Variants in ZNF112 observed in about 807,000 individuals in gnomAD.
The protein encoded by ZNF112 is zinc finger protein 112 (Y14).
Under a neutral mutation model 77.7 loss-of-function variants are expected in ZNF112, and 37 were observed. That is an observed-to-expected ratio of 0.48 (90% CI 0.37 to 0.63). The LOEUF (loss-of-function observed/expected upper bound fraction) is 0.63, where lower values mean the gene tolerates loss of function less well. ZNF112 is among the 20% of genes least tolerant of loss of function. The pLI is 0.00. For synonymous variants in ZNF112, 333 were observed against 363.6 expected, an observed-to-expected ratio of 0.92 and a Z score of 0.96; for missense variants, 950 against 1,077.4, an observed-to-expected ratio of 0.88 and a Z score of 1.66.
intron 1 of ZNF112, among the ~76,000 whole-genome samples, chr19:44,353,481 C>T (rs570164965): frequency 6.6e-6 from 1 of 151,968 alleles, no homozygotes; most frequent in Non-Finnish European, 1.5e-5. Flanking sequence ...GGAATATTTG[C>T]AAATCACACA....
At chr19:44,344,419 G>A (rs1413842296) in intron 1 of ZNF112, among the ~76,000 whole-genome samples, 1 of 152,150 alleles carries the variant, frequency 6.6e-6, no homozygotes, top group Non-Finnish European at 1.5e-5. Flanking sequence ...TGTGGGTAAG[G>A]CAGAGCCTTC....
Position 44,328,945 on chromosome 19 carries a change from A to G in ZNF112, c.1212T>C (p.Thr404=). The change falls in exon 4 of 4, where the codon ACT becomes ACC. Residue 404 remains threonine, a synonymous_variant. Transcript: ENST00000354340. Reference sequence around the variant, plus strand: ...CTATATCTGTGTATAGTTTCTCTTCAGTGTGGATTTTTTGATGGACTTGAA... The same window carrying G: ...CTATATCTGTGTATAGTTTCTCTTCGGTGTGGATTTTTTGATGGACTTGAA... The part of the protein sequence containing the change: ...SCLQVHQKIH[T]EEKLYTDIEY... 1.9e-6 allele frequency: 3 copies of G among 1,613,990 alleles called. No homozygotes were observed. The highest frequency in any genetic ancestry group is 2.5e-6 in the Non-Finnish European group (3 of 1,179,982).
chr19:44,328,258 A>G lies in ZNF112; in HGVS notation c.1899T>C (p.Cys633=). The G allele has an allele frequency of 6.2e-7, 1 of 1,613,800 alleles. No individual in the cohort carries two copies. The highest frequency in any genetic ancestry group is 1.1e-5 in the South Asian group (1 of 91,058). The change falls in exon 4 of 4, where the codon TGT becomes TGC. Residue 633 remains cysteine (C), a synonymous_variant. Coordinates refer to ENST00000354340, the MANE Select transcript of ZNF112 (RefSeq NM_013380.4). ...AACTGAACCCCTTCCCACATTCCTC[A>G]CATTTGAATGGTTTTTCTCCAGTGT... ...RVHTGEKPFK[C]EECGKGFSWS...
At chr19:44,345,060 C>T (rs1342467168) in intron 1 of ZNF112, among the ~76,000 whole-genome samples, 1 of 152,160 alleles carries the variant, frequency 6.6e-6, no homozygotes, top group Non-Finnish European at 1.5e-5. Context: ...GTTACTAGGA[C>T]AGTGGCTCTT....
At position 44,337,608 on chromosome 19, in the gene ZNF112, C is replaced by T. The variant is rs542832935; in HGVS notation, c.125-890G>A. 5.1e-4 allele frequency among the ~76,000 whole-genome samples: 76 copies of T among 149,208 alleles called. No homozygotes were observed. The South Asian group carries it at 0.015, about 29-fold the overall frequency. On this transcript the variant is annotated intron_variant, in intron 2 of 3. Transcript: ENST00000354340. The stretch of plus-strand genomic sequence containing the variant: ...GTTAGATATTGTCAACTTCCCCTCC[C>T]TAAGGGTTGTATCATTTTGCATTCT...
intron 1 of ZNF112, among the ~76,000 whole-genome samples, chr19:44,343,813 C>G (rs980324883): frequency 2.6e-5 from 4 of 152,190 alleles, no homozygotes; most frequent in Non-Finnish European, 4.4e-5. Flanking sequence ...CCAGGGATCT[C>G]TACTTCCTTG....
intron 3 of ZNF112, 39 bp downstream of exon 3, chr19:44,336,584 G>A (rs1970370504): frequency 6.5e-7 from 1 of 1,533,374 alleles, no homozygotes; most frequent in South Asian, 1.1e-5. Context: ...TTCTAGAAGG[G>A]GCTCCCTGGC....
At chr19:44,330,249 A>G (rs928800276) in intron 3 of ZNF112, among the ~76,000 whole-genome samples, 2 of 152,210 alleles carry the variant, frequency 1.3e-5, no homozygotes, top group Admixed American at 1.3e-4. Flanking sequence ...TGGTAAGTAT[A>G]ATGCAAATAC....
At chr19:44,366,327 T>C (rs996188108) in intron 1 of ZNF112, among the ~76,000 whole-genome samples, 2 of 152,160 alleles carry the variant, frequency 1.3e-5, no homozygotes, top group Non-Finnish European at 2.9e-5. Flanking sequence ...GAAAAGTATA[T>C]TGCTCCTTTT....
intron 3 of ZNF112, among the ~76,000 whole-genome samples, chr19:44,335,981 C>A (rs73555165): frequency 6.6e-6 from 1 of 151,950 alleles, no homozygotes; most frequent in East Asian, 1.9e-4. Context: ...TGTTTGGGTG[C>A]GAGAGTATGG....
At chr19:44,366,250 G>T (rs144870227) in intron 1 of ZNF112, among the ~76,000 whole-genome samples, 121 of 152,174 alleles carry the variant, frequency 8.0e-4, no homozygotes, top group African/African-American at 2.9e-3. Flanking sequence ...CATGCGGAGA[G>T]GCTTGAAAGA....
chr19:44,342,593 G>A (rs1294868596), intron 1 of ZNF112, among the ~76,000 whole-genome samples: 1 of 152,098 alleles, frequency 6.6e-6, no homozygotes, highest in Non-Finnish European at 1.5e-5. Flanking sequence ...GAGGCACGTA[G>A]ATCACGAGGT....
At chr19:44,334,658 C>T (rs1970332464) in intron 3 of ZNF112, among the ~76,000 whole-genome samples, 1 of 152,252 alleles carries the variant, frequency 6.6e-6, no homozygotes, top group Non-Finnish European at 1.5e-5. Context: ...TGTAGCTGCT[C>T]CAGTTCCAGC....
At chr19:44,332,293 C>A (rs1226036019) in intron 3 of ZNF112, among the ~76,000 whole-genome samples, 2 of 152,200 alleles carry the variant, frequency 1.3e-5, no homozygotes, top group Non-Finnish European at 2.9e-5. Context: ...AAAGGCCACA[C>A]TGATGAATCT....
At position 44,327,454 on chromosome 19, in the gene ZNF112, A is replaced by G. The variant is rs775281138; in HGVS notation, c.2703T>C (p.Asn901=). 78 of 1,602,926 alleles carry G rather than the reference A, an allele frequency of 4.9e-5. No individual in the cohort carries two copies. Among genetic ancestry groups the G allele is most frequent in the Non-Finnish European group, 6.6e-5 (78 of 1,174,424 alleles). Residue 901 remains asparagine, a synonymous_variant, in exon 4 of 4, where the codon AAT becomes AAC. Coordinates refer to ENST00000354340, the MANE Select transcript of ZNF112 (RefSeq NM_013380.4). ...DYPSSENLHR[N]EDSVLF ...GACTTCAAAACAAAACAGAATCTTC[A>G]TTTCTGTGTAGATTCTCTGATGAAG...
intron 1 of ZNF112, among the ~76,000 whole-genome samples, chr19:44,344,373 G>A (rs1272296911): frequency 6.6e-6 from 1 of 152,032 alleles, no homozygotes; most frequent in Non-Finnish European, 1.5e-5. Flanking sequence ...GGAAGAGAAA[G>A]AACTGAAAAA....
chr19:44,360,059 A>C (rs1970839975), upstream of ZNF112, among the ~76,000 whole-genome samples: 1 of 151,446 alleles, frequency 6.6e-6, no homozygotes, highest in African/African-American at 2.4e-5. Flanking sequence ...GATCCAGACC[A>C]TTCTGGCTAA....
Position 44,327,991 on chromosome 19 carries a change from C to G in ZNF112, c.2166G>C (p.Lys722Asn), listed in dbSNP as rs762039032. ...GAAGATATGCTCTCTGACTGAAGCC[C>G]TTTCCACATACCTCACATATATATG... ...ERPYICEVCG[K>N]GFSQRAYLQG... Residue 722 changes from lysine to asparagine, a missense_variant, in exon 4 of 4, where the codon AAG becomes AAC. Lys to Asn is a moderately conservative substitution (Grantham distance 94). Transcript: ENST00000354340. 2.5e-6 allele frequency: 4 copies of G among 1,613,876 alleles called. No individual in the cohort carries two copies. The South Asian group carries it at 4.4e-5, about 18-fold the overall frequency.
At chr19:44,361,763 C>G (rs1340219085) in intron 1 of ZNF112, among the ~76,000 whole-genome samples, 1 of 152,086 alleles carries the variant, frequency 6.6e-6, no homozygotes. Context: ...AAAGAGTAAG[C>G]CCTAATGTAA....
Sources: allele counts gnomAD v4.1 joint callset (sites outside exome capture counted in the v4.1 genomes callset), GRCh38; gene constraint gnomAD v4.1.1; transcripts MANE v1.5; gene names NCBI Gene and HGNC (gene_info 2026-07-23, HGNC 2026-07-21).